Variants in BRINP2 observed in about 807,000 individuals in gnomAD.
BRINP2 encodes BMP/retinoic acid inducible neural specific 2, also known as BMP/retinoic acid-inducible neural-specific protein 2.
A neutral mutation model predicts 69.2 loss-of-function variants in BRINP2; 21 were observed. The observed-to-expected ratio is 0.30, with a 90% CI of 0.22 to 0.44. The LOEUF is 0.44. BRINP2 is among the 20% of genes least tolerant of loss of function. BRINP2 has a pLI of 1.00. For synonymous variants in BRINP2, 380 were observed against 394.1 expected, an observed-to-expected ratio of 0.96 and a Z score of 0.42; for missense variants, 877 against 986.0, an observed-to-expected ratio of 0.89 and a Z score of 1.48.
chr1:177,245,027 G>A (rs1487272618), intron 2 of BRINP2, among the ~76,000 whole-genome samples: 1 of 152,080 alleles, frequency 6.6e-6, no homozygotes, highest in Non-Finnish European at 1.5e-5. Flanking sequence ...CTCTAATACT[G>A]GCGAGAATGA....
chr1:177,181,090 T>A (rs1312884000), intron 1 of BRINP2, among the ~76,000 whole-genome samples: 2 of 152,086 alleles, frequency 1.3e-5, no homozygotes, highest in Non-Finnish European at 2.9e-5. Flanking sequence ...AAAAATAAAA[T>A]GGGTACAGAG....
At chr1:177,251,865 A>G (rs1650594477) in intron 2 of BRINP2, among the ~76,000 whole-genome samples, 1 of 152,178 alleles carries the variant, frequency 6.6e-6, no homozygotes, top group Admixed American at 6.5e-5. Flanking sequence ...ATAAGAAACT[A>G]TGGAAATTGT....
intron 1 of BRINP2, among the ~76,000 whole-genome samples, chr1:177,181,264 T>A (rs1373701408): frequency 6.6e-6 from 1 of 152,140 alleles, no homozygotes; most frequent in East Asian, 1.9e-4. Flanking sequence ...AGTTTCGTGC[T>A]TTTTCCCAAT....
At chr1:177,257,717 G>A (rs181922097) in intron 4 of BRINP2, among the ~76,000 whole-genome samples, 175 of 152,288 alleles carry the variant, frequency 1.1e-3, no homozygotes, top group African/African-American at 3.8e-3. Context: ...CAGAGTCATA[G>A]GTGTACATTT....
At chr1:177,189,442 A>G (rs1000140217) in intron 1 of BRINP2, among the ~76,000 whole-genome samples, 1 of 152,176 alleles carries the variant, frequency 6.6e-6, no homozygotes. Context: ...GAGAGGTGAC[A>G]GAATGATTCA....
At position 177,280,837 on chromosome 1, in the gene BRINP2, T is replaced by C. The variant is rs151314763; in HGVS notation, c.1661T>C (p.Leu554Pro). The C allele has an allele frequency of 6.2e-7, 1 of 1,613,994 alleles. No homozygotes were observed. The highest frequency in any genetic ancestry group is 8.5e-7 in the Non-Finnish European group (1 of 1,179,926). ...PSWRKRMLLTLKSNKYKPGLV... is the reference protein window; with the variant it reads ...PSWRKRMLLTPKSNKYKPGLV... ...TGGAGGAAGCGCATGCTGCTCACCC[T>C]GAAGAGCAACAAGTACAAGCCTGGG... Residue 554 changes from leucine (L) to proline (P), a missense_variant, in exon 8 of 8, where the codon CTG (leucine) becomes CCG (proline). This residue lies in a region of BRINP2 where 86 missense variants were observed against 142.1 expected (regional missense o/e 0.61). Coordinates refer to ENST00000361539, the MANE Select transcript of BRINP2 (RefSeq NM_021165.4).
rs937861060 is a variant in BRINP2, at chr1:177,281,758, A to G, written c.*230A>G. ...CACACACTGGCACAGGGAGGCTACAACTAAGCAGCCTCAGATCTGTAAAGT... is the reference window on the plus strand; with the variant it reads ...CACACACTGGCACAGGGAGGCTACAGCTAAGCAGCCTCAGATCTGTAAAGT... On this transcript the variant is annotated 3_prime_UTR_variant, in exon 8 of 8. Transcript: ENST00000361539. 4.6e-6 allele frequency: 2 copies of G among 434,000 alleles called. No individual in the cohort carries two copies. The highest frequency in any genetic ancestry group is 8.0e-6 in the Non-Finnish European group (2 of 250,070). 26.9% of individuals were successfully genotyped at this position (434,000 alleles called of 1,614,324 possible).
chr1:177,188,394 A>G (rs1321406620), intron 1 of BRINP2, among the ~76,000 whole-genome samples: 1 of 152,232 alleles, frequency 6.6e-6, no homozygotes, highest in South Asian at 2.1e-4. Context: ...ACAACAAGAA[A>G]AAAAACATAA....
chr1:177,241,803 C>T lies in BRINP2; in HGVS notation c.269+11658C>T, dbSNP rs368700453. ...TTTCTGTGCCATTGTCGAAGACTAG[C>T]GACAGTGGTGCCAGGTCACAGGCAC... On this transcript the variant is annotated intron_variant, in intron 2 of 7. Coordinates refer to ENST00000361539, the MANE Select transcript of BRINP2 (RefSeq NM_021165.4). 2.9e-4 allele frequency among the ~76,000 whole-genome samples: 44 copies of T among 152,254 alleles called. 1 individual carries two copies. Among genetic ancestry groups the T allele is most frequent in the African/African-American group, 9.4e-4 (39 of 41,548 alleles).
At chr1:177,175,235 T>G (rs1366064141) in intron 1 of BRINP2, among the ~76,000 whole-genome samples, 1 of 152,042 alleles carries the variant, frequency 6.6e-6, no homozygotes, top group Non-Finnish European at 1.5e-5. Context: ...TCTCTCCCTT[T>G]TAATAAAACA....
chr1:177,238,515 G>A (rs1313337871), intron 2 of BRINP2, among the ~76,000 whole-genome samples: 1 of 152,228 alleles, frequency 6.6e-6, no homozygotes, highest in Non-Finnish European at 1.5e-5. Flanking sequence ...TCTGCCAAGT[G>A]AGCTGACTGT....
At chr1:177,212,702 A>T (rs887461521) in intron 1 of BRINP2, among the ~76,000 whole-genome samples, 1 of 152,186 alleles carries the variant, frequency 6.6e-6, no homozygotes. Context: ...AAGTCTGCAC[A>T]TGTTACAATC....
At chr1:177,228,816 A>G (rs1438921034) in intron 1 of BRINP2, among the ~76,000 whole-genome samples, 1 of 152,230 alleles carries the variant, frequency 6.6e-6, no homozygotes, top group Non-Finnish European at 1.5e-5. Flanking sequence ...TTCTCAGACC[A>G]AAGAGTAGGC....
intron 2 of BRINP2, among the ~76,000 whole-genome samples, chr1:177,237,185 C>T (rs1021779355): frequency 1.3e-5 from 2 of 152,144 alleles, no homozygotes; most frequent in African/African-American, 2.4e-5. Flanking sequence ...GGTTACCACA[C>T]CATACTTTTG....
At chr1:177,249,369 T>G (rs558406187) in intron 2 of BRINP2, among the ~76,000 whole-genome samples, 1 of 152,218 alleles carries the variant, frequency 6.6e-6, no homozygotes, top group Non-Finnish European at 1.5e-5. Context: ...ATATGTGCAA[T>G]GTGAATGCAT....
At chr1:177,261,266 A>T (rs1650939112) in intron 4 of BRINP2, among the ~76,000 whole-genome samples, 1 of 152,122 alleles carries the variant, frequency 6.6e-6, no homozygotes, top group South Asian at 2.1e-4. Context: ...AAGTAGAAAG[A>T]AAGGGGGATC....
intron 2 of BRINP2, among the ~76,000 whole-genome samples, chr1:177,235,413 C>T (rs996162640): frequency 2.6e-5 from 4 of 152,138 alleles, no homozygotes; most frequent in African/African-American, 9.7e-5. Flanking sequence ...GAATCCAGAG[C>T]GGGTAAATCT....
At chr1:177,242,456 G>A (rs1650234333) in intron 2 of BRINP2, among the ~76,000 whole-genome samples, 1 of 152,036 alleles carries the variant, frequency 6.6e-6, no homozygotes, top group African/African-American at 2.4e-5. Flanking sequence ...GCCCACAGAA[G>A]GCCCCCTTGA....
At chr1:177,234,870 T>C (rs933062721) in intron 2 of BRINP2, among the ~76,000 whole-genome samples, 6 of 152,188 alleles carry the variant, frequency 3.9e-5, no homozygotes, top group Admixed American at 3.9e-4. Flanking sequence ...TGCAGATTTG[T>C]AGAATGAAAC....
Sources: gnomAD v4.1 joint callset for allele counts (sites outside exome capture counted in the v4.1 genomes callset) on GRCh38, gnomAD v4.1.1 for gene constraint, gnomAD v4.1.1 regional missense constraint, MANE v1.5 for transcripts, NCBI Gene and HGNC (gene_info 2026-07-23, HGNC 2026-07-21) for gene names.